Variants in VPS54 observed in about 807,000 individuals in gnomAD.
VPS54 encodes vacuolar protein sorting-associated protein 54.
In VPS54, 45 loss-of-function variants were observed where a neutral mutation model predicts 121.5. That is an observed-to-expected ratio of 0.37 (90% CI 0.29 to 0.47). The LOEUF is 0.47. Among genes scored for constraint, VPS54 ranks in the 20% least tolerant of loss-of-function variants. The pLI, the probability that VPS54 is intolerant of heterozygous loss-of-function variation, is 0.99. For missense variants in VPS54, 1,090 were observed against 1,131.4 expected (o/e 0.96, Z 0.52); for synonymous variants, 371 against 385.8 (o/e 0.96, Z 0.45).
chr2:64,001,376 G>A (rs1428081258), intron 1 of VPS54, among the ~76,000 whole-genome samples: 1 of 152,184 alleles, frequency 6.6e-6, no homozygotes, highest in Non-Finnish European at 1.5e-5. Context: ...CTATGGCCAA[G>A]GTGATACCTA....
intron 7 of VPS54, among the ~76,000 whole-genome samples, chr2:63,958,811 CAAAT>C (rs1420746801): frequency 1.3e-4 from 20 of 152,140 alleles, no homozygotes; most frequent in African/African-American, 4.6e-4. Flanking sequence ...AGACTATTAA[CAAAT>C]AAATTTAAAA....
intron 1 of VPS54, among the ~76,000 whole-genome samples, chr2:64,012,933 C>T (rs116628175): frequency 0.012 from 1,875 of 152,126 alleles, 17 homozygotes; most frequent in Non-Finnish European, 0.015. Context: ...GACCTCAATG[C>T]CCTGAAAAAG....
intron 3 of VPS54, among the ~76,000 whole-genome samples, chr2:63,980,725 CAATA>C (rs1328531018): frequency 6.6e-6 from 1 of 151,934 alleles, no homozygotes; most frequent in Admixed American, 6.5e-5. Flanking sequence ...GGAAGGCACT[CAATA>C]AATATTTGAT....
At chr2:63,968,923 A>G (rs777042688) in intron 5 of VPS54, 34 bp downstream of exon 5, 19 of 1,572,916 alleles carry the variant, frequency 1.2e-5, no homozygotes, top group African/African-American at 2.8e-5. Context: ...ATCAAATATT[A>G]TAAGGCAATT....
At chr2:63,981,613 A>T in intron 3 of VPS54, 33 bp downstream of exon 3, 14 of 1,526,902 alleles carry the variant, frequency 9.2e-6, no homozygotes, top group Non-Finnish European at 1.2e-5. Context: ...ATTACTTTTG[A>T]CCTGACTGTA....
Position 63,897,609 on chromosome 2 carries a change from TAA to T in VPS54, c.2734-21_2734-20del, listed in dbSNP as rs781077337. ...ATAACATCTGAAAAAGAAATAAAAC[TAA>T]GTTTCTTAAAGTTCTACTGAAATAG... is the stretch of plus-strand genomic sequence containing the variant. On this transcript the variant is annotated intron_variant, in intron 21 of 22. Transcript: ENST00000272322. 7.2e-7 allele frequency: 1 copy of T among 1,394,156 alleles called. No individual in the cohort carries two copies. The highest frequency in any genetic ancestry group is 1.3e-5 in the South Asian group (1 of 79,074). The allele number at this position is 1,394,156 out of a possible 1,614,324, so 86.4% of individuals were successfully genotyped here.
Position 63,978,885 on chromosome 2 carries a change from G to A in VPS54, c.378+2761C>T, listed in dbSNP as rs184215918. Among the ~76,000 whole-genome samples the A allele has an allele frequency of 2.4e-3, 362 of 152,280 alleles. 1 individual carries two copies. Among genetic ancestry groups the A allele is most frequent in the African/African-American group, 8.0e-3 (334 of 41,556 alleles). ...TCTGCCCACCATGGCCTCCCAAAGT[G>A]TGGGGATTACAAGCGTGAGCCACCA... On this transcript the variant is annotated intron_variant, in intron 3 of 22. Transcript: ENST00000272322.
At chr2:63,945,084 C>T (rs187361515) in intron 9 of VPS54, among the ~76,000 whole-genome samples, 1 of 152,258 alleles carries the variant, frequency 6.6e-6, no homozygotes. Context: ...AAGACACATG[C>T]ACACTTATGT....
chr2:63,986,369 A>T (rs550929732), intron 1 of VPS54, among the ~76,000 whole-genome samples: 1 of 152,250 alleles, frequency 6.6e-6, no homozygotes, highest in East Asian at 1.9e-4. Flanking sequence ...AGAACATGTG[A>T]AGTTTCTCAT....
rs755658707 is a variant in VPS54 at position 63,968,977 on chromosome 2, C to G, written c.472G>C (p.Asp158His). The G allele has an allele frequency of 2.9e-5, 47 of 1,604,964 alleles. No homozygotes were observed. The South Asian group carries it at 4.8e-4, about 16-fold the overall frequency. ...GTTACCTTAGGTACTTGCTCCAGAT[C>G]TGTCCTGGATTTATCTATTTAAAAA... ...LLHTHDKSRT[D>H]LEQVPKIFMK... Residue 158 changes from aspartate to histidine, a missense_variant, in exon 5 of 23, where the codon GAT becomes CAT. Around this residue, in one of 2 missense-constraint regions of VPS54, gnomAD observed 801 missense variants for 757.0 expected, o/e 1.06. Coordinates refer to ENST00000272322, the MANE Select transcript of VPS54 (RefSeq NM_016516.3).
At chr2:63,918,558 C>T (rs1673490073) in intron 15 of VPS54, among the ~76,000 whole-genome samples, 1 of 151,946 alleles carries the variant, frequency 6.6e-6, no homozygotes, top group Non-Finnish European at 1.5e-5. Context: ...AAGTAGAAAA[C>T]TCTACCACCC....
chr2:64,015,555 G>C (rs1197996748), intron 1 of VPS54, among the ~76,000 whole-genome samples: 3 of 152,118 alleles, frequency 2.0e-5, no homozygotes, highest in African/African-American at 7.2e-5. Context: ...AGTATGTCCT[G>C]TGCATTGTAG....
intron 7 of VPS54, among the ~76,000 whole-genome samples, chr2:63,956,196 T>C (rs1675483426): frequency 6.6e-6 from 1 of 152,178 alleles, no homozygotes; most frequent in African/African-American, 2.4e-5. Context: ...ACATACAATG[T>C]GGATGTTTTC....
In VPS54 at chr2:63,914,299, G is replaced by T. The variant is rs746132630; in HGVS notation, c.2229-12C>A. On this transcript the variant is annotated splice_polypyrimidine_tract_variant and intron_variant, in intron 16 of 22. Transcript: ENST00000272322. ...ACAGCAATACGGTTCTACAAGAAAA[G>T]AAAAATGGCCCAATAGGAAATCAAA... The T allele has an allele frequency of 1.3e-6, 2 of 1,555,788 alleles. No individual in the cohort carries two copies. Among genetic ancestry groups the T allele is most frequent in the Non-Finnish European group, 1.8e-6 (2 of 1,139,468 alleles).
intron 16 of VPS54, 33 bp from the exon 17 acceptor site, chr2:63,914,320 T>G: frequency 7.1e-7 from 1 of 1,409,620 alleles, no homozygotes; most frequent in South Asian, 1.2e-5. Context: ...CAATAGGAAA[T>G]CAAAACAAGA....
rs559693655 is a variant in VPS54, at chr2:63,998,850, T to C, written c.-20-14831A>G. Reference sequence around the variant, plus strand: ...ACACACCAGTTATCATGTTATAATATTCTATGATTTTCTGTGTACTTATAT... The same window carrying C: ...ACACACCAGTTATCATGTTATAATACTCTATGATTTTCTGTGTACTTATAT... On this transcript the variant is annotated intron_variant, in intron 1 of 22. Transcript: ENST00000272322. 3.9e-5 allele frequency among the ~76,000 whole-genome samples: 6 copies of C among 152,270 alleles called. No individual in the cohort carries two copies. In the South Asian group the frequency reaches 1.2e-3, roughly 32 times the overall value.
At chr2:63,985,920 TTATC>T (rs1357230495) in intron 1 of VPS54, among the ~76,000 whole-genome samples, 1 of 152,152 alleles carries the variant, frequency 6.6e-6, no homozygotes, top group African/African-American at 2.4e-5. Context: ...ACATGTATCT[TTATC>T]TAAAGGATAA....
chr2:63,916,776 G>C, intron 16 of VPS54, 124 bp downstream of exon 16: 2 of 852,428 alleles, frequency 2.3e-6, no homozygotes, highest in East Asian at 2.6e-5. Flanking sequence ...ATTTAAAACA[G>C]TTAATCCAAA....
Position 63,940,008 on chromosome 2 carries a change from G to A in VPS54, c.1398+2457C>T, listed in dbSNP as rs141091686. 4.6e-3 allele frequency among the ~76,000 whole-genome samples: 699 copies of A among 152,038 alleles called. 9 individuals carry two copies. The highest frequency in any genetic ancestry group is 0.016 in the African/African-American group (643 of 41,466). The stretch of plus-strand genomic sequence containing the variant: ...CTTGACCTTGTGATCTGCCTGCCTC[G>A]GCCTCCCAAAGTGCTGGAATTACAG... On this transcript the variant is annotated intron_variant, in intron 11 of 22. Transcript: ENST00000272322.
Sources: allele counts gnomAD v4.1 joint callset (sites outside exome capture counted in the v4.1 genomes callset), GRCh38; gene constraint gnomAD v4.1.1; regional missense constraint gnomAD v4.1.1; transcripts MANE v1.5; gene names NCBI Gene and HGNC (gene_info 2026-07-23, HGNC 2026-07-21).